TRIT1: variants seen among roughly 807,000 people sequenced by gnomAD.
TRIT1 encodes the protein tRNA dimethylallyltransferase.
Under a neutral mutation model 51.2 loss-of-function variants are expected in TRIT1, and 43 were observed. That is an observed-to-expected ratio of 0.84 (90% CI 0.66 to 1.08). The LOEUF (loss-of-function observed/expected upper bound fraction) is 1.08, where lower values mean the gene tolerates loss of function less well. Among genes scored for constraint, TRIT1 ranks in the 50% least tolerant of loss-of-function variants. The pLI is 0.00. For synonymous variants in TRIT1, 184 were observed against 203.9 expected (o/e 0.90, Z 0.83); for missense variants, 528 against 578.4 (o/e 0.91, Z 0.89).
At chr1:39,846,101 A>G (rs1642207139) in intron 8 of TRIT1, among the ~76,000 whole-genome samples, 1 of 152,248 alleles carries the variant, frequency 6.6e-6, no homozygotes, top group Non-Finnish European at 1.5e-5. Context: ...TTCAGATGAC[A>G]CTAAGACTTC....
Position 39,864,395 on chromosome 1 carries a change from G to C in TRIT1, c.175-6978C>G, listed in dbSNP as rs570688114. Among the ~76,000 whole-genome samples, 3 of 151,566 alleles carry C rather than the reference G, an allele frequency of 2.0e-5. No individual in the cohort carries two copies. In the South Asian group the frequency reaches 6.3e-4, roughly 32 times the overall value. On this transcript the variant is annotated intron_variant, in intron 1 of 10. Coordinates refer to ENST00000316891, the MANE Select transcript of TRIT1 (RefSeq NM_017646.6). ...GAGGCTGAGGCAGGTGGATCACGAG[G>C]TCAGGAGATCGAGACCATCCTGGCT...
intron 3 of TRIT1, among the ~76,000 whole-genome samples, chr1:39,853,705 C>A (rs1165434383): frequency 1.3e-5 from 2 of 152,168 alleles, no homozygotes; most frequent in Non-Finnish European, 1.5e-5. Flanking sequence ...AGCCACCACG[C>A]CTGGCCTAAT....
At chr1:39,868,597 T>C (rs1351909445) in intron 1 of TRIT1, among the ~76,000 whole-genome samples, 2 of 141,888 alleles carry the variant, frequency 1.4e-5, no homozygotes, top group African/African-American at 5.4e-5. Context: ...TGAGCCAAGA[T>C]CGCGCCATTG....
intron 1 of TRIT1, among the ~76,000 whole-genome samples, chr1:39,868,383 C>T (rs918214930): frequency 1.3e-5 from 2 of 152,108 alleles, no homozygotes; most frequent in African/African-American, 2.4e-5. Context: ...TGGCTCACGC[C>T]TGTAATCCCT....
chr1:39,861,879 G>A (rs933662696), intron 1 of TRIT1, among the ~76,000 whole-genome samples: 12 of 147,692 alleles, frequency 8.1e-5, no homozygotes, highest in East Asian at 4.0e-4. Flanking sequence ...AGCTGAGATC[G>A]CACCACTGCG....
At chr1:39,860,087 C>A (rs1255973172) in intron 1 of TRIT1, among the ~76,000 whole-genome samples, 1 of 152,140 alleles carries the variant, frequency 6.6e-6, no homozygotes, top group Non-Finnish European at 1.5e-5. Context: ...AAGGAAGTGG[C>A]CTATGGTACT....
chr1:39,870,954 G>A (rs1191502924), intron 1 of TRIT1, among the ~76,000 whole-genome samples: 1 of 152,202 alleles, frequency 6.6e-6, no homozygotes, highest in African/African-American at 2.4e-5. Context: ...AGCACTTTAG[G>A]AGGCTGAGGA....
intron 1 of TRIT1, among the ~76,000 whole-genome samples, chr1:39,872,150 A>G (rs978342782): frequency 1.3e-5 from 2 of 150,678 alleles, no homozygotes; most frequent in South Asian, 2.1e-4. Flanking sequence ...GGCTCAAGCA[A>G]TCTTCCCTCC....
intron 1 of TRIT1, among the ~76,000 whole-genome samples, chr1:39,865,685 A>AAAAG (rs1643502399): frequency 6.7e-6 from 1 of 148,150 alleles, no homozygotes; most frequent in African/African-American, 2.5e-5. Flanking sequence ...AAAAAAAAAA[A>AAAAG]AAAAAGAAAA....
intron 4 of TRIT1, among the ~76,000 whole-genome samples, chr1:39,850,467 C>T (rs1441485166): frequency 6.6e-6 from 1 of 152,062 alleles, no homozygotes; most frequent in Non-Finnish European, 1.5e-5. Flanking sequence ...TCAAGACCAA[C>T]CTAAGCAGCA....
chr1:39,874,774 TCCTG>T (rs1219803292), intron 1 of TRIT1, among the ~76,000 whole-genome samples: 1 of 152,058 alleles, frequency 6.6e-6, no homozygotes, highest in African/African-American at 2.4e-5. Flanking sequence ...CAAGTGATTC[TCCTG>T]CCTTAGTCTC....
chr1:39,876,282 T>C lies in TRIT1; in HGVS notation c.174+7036A>G, dbSNP rs919876057. ...TGCCTCAGGCACTGAAACATCAGGG[T>C]AGCACTCATCCTCATGAATCTGAAT... On this transcript the variant is annotated intron_variant, in intron 1 of 10. Transcript: ENST00000316891. 2.6e-5 allele frequency: 4 copies of C among 152,418 alleles called. No individual in the cohort carries two copies. The East Asian group carries it at 7.7e-4, about 29-fold the overall frequency. 9.4% of individuals were successfully genotyped at this position (152,418 alleles called of 1,614,324 possible).
chr1:39,839,301 C>G lies in TRIT1; in HGVS notation c.*2443G>C, dbSNP rs1264930909. Among the ~76,000 whole-genome samples, 4 of 152,288 alleles carry G rather than the reference C, an allele frequency of 2.6e-5. No individual in the cohort carries two copies. The East Asian group carries it at 7.7e-4, about 29-fold the overall frequency. ...CCCAAAGCTCTATGGTACTTTTCAGCTCTCAAATGAGATTTGGTATGAGAT... is the reference window on the plus strand; with the variant it reads ...CCCAAAGCTCTATGGTACTTTTCAGGTCTCAAATGAGATTTGGTATGAGAT... On this transcript the variant is annotated 3_prime_UTR_variant, in exon 11 of 11. Coordinates refer to ENST00000316891, the MANE Select transcript of TRIT1 (RefSeq NM_017646.6).
At chr1:39,875,531 T>C (rs1644022364) in intron 1 of TRIT1, among the ~76,000 whole-genome samples, 1 of 151,858 alleles carries the variant, frequency 6.6e-6, no homozygotes, top group Non-Finnish European at 1.5e-5. Flanking sequence ...CTTTAAAACC[T>C]CAAACCTCAT....
chr1:39,851,072 C>G (rs1275751616), intron 4 of TRIT1, among the ~76,000 whole-genome samples: 1 of 152,304 alleles, frequency 6.6e-6, no homozygotes, highest in Middle Eastern at 3.4e-3. Flanking sequence ...TGATCTTTCT[C>G]TTCCTGACCC....
chr1:39,848,136 T>C (rs759908563), intron 5 of TRIT1, 39 bp from the exon 6 acceptor site: 125 of 1,494,074 alleles, frequency 8.4e-5, no homozygotes, highest in Middle Eastern at 6.8e-4. Flanking sequence ...AAGCAAGTTG[T>C]AGGTACCTAC....
At chr1:39,851,459 G>A (rs1487096013) in intron 4 of TRIT1, among the ~76,000 whole-genome samples, 2 of 152,018 alleles carry the variant, frequency 1.3e-5, no homozygotes, top group Non-Finnish European at 2.9e-5. Context: ...ATGTTCCTAG[G>A]TTTAAAAAAA....
chr1:39,841,915 T>C lies in TRIT1; in HGVS notation c.1235-2A>G. 6.2e-7 allele frequency: 1 copy of C among 1,601,612 alleles called. No individual in the cohort carries two copies. The highest frequency in any genetic ancestry group is 8.5e-7 in the Non-Finnish European group (1 of 1,176,372). On this transcript the variant is annotated splice_acceptor_variant, in intron 10 of 10. Coordinates refer to ENST00000316891, the MANE Select transcript of TRIT1 (RefSeq NM_017646.6). LOFTEE classifies it high-confidence loss of function. ...AGTGGGATTTGGATTTTATGTGCGC[T>C]GATAAGACAAAATCAAACCAAACAA...
intron 1 of TRIT1, among the ~76,000 whole-genome samples, chr1:39,877,717 C>T (rs1644119092): frequency 1.3e-5 from 2 of 152,182 alleles, no homozygotes; most frequent in African/African-American, 4.8e-5. Context: ...AAGAAAAAGA[C>T]TCAGACTGAA....
Sources: gnomAD v4.1 joint callset for allele counts (sites outside exome capture counted in the v4.1 genomes callset) on GRCh38, gnomAD v4.1.1 for gene constraint, MANE v1.5 for transcripts, NCBI Gene and HGNC (gene_info 2026-07-23, HGNC 2026-07-21) for gene names.